Variants in CARNMT1 observed in about 807,000 individuals in gnomAD.
CARNMT1 encodes protein-L-histidine N-pros-methyltransferase CARNMT1.
In CARNMT1, 28 loss-of-function variants were observed where a neutral mutation model predicts 49.6. That is an observed-to-expected ratio of 0.56 (90% CI 0.42 to 0.77). The LOEUF (loss-of-function observed/expected upper bound fraction) is 0.77, where lower values mean the gene tolerates loss of function less well. Ranked by LOEUF, CARNMT1 falls within the 30% of genes least tolerant of loss-of-function variation. The pLI, the probability that CARNMT1 is intolerant of heterozygous loss-of-function variation, is 0.00. For synonymous variants in CARNMT1, 178 were observed against 175.0 expected (o/e 1.02, Z -0.13); for missense variants, 421 against 512.6 (o/e 0.82, Z 1.73).
At chr9:75,012,873 G>A (rs1255491335) in intron 3 of CARNMT1, among the ~76,000 whole-genome samples, 8 of 150,900 alleles carry the variant, frequency 5.3e-5, no homozygotes, top group African/African-American at 1.7e-4. Flanking sequence ...AGCCGAGATC[G>A]TGCCACTGCA....
chr9:75,021,737 C>T (rs1243877860), intron 1 of CARNMT1, among the ~76,000 whole-genome samples: 2 of 151,850 alleles, frequency 1.3e-5, no homozygotes, highest in African/African-American at 4.8e-5. Flanking sequence ...TCAAAACCGG[C>T]CTGGGCAATA....
chr9:75,013,755 A>C (rs952116575), intron 3 of CARNMT1, among the ~76,000 whole-genome samples: 1 of 152,062 alleles, frequency 6.6e-6, no homozygotes, highest in African/African-American at 2.4e-5. Flanking sequence ...TGTAATCCCA[A>C]TATTTTGGGA....
At position 74,981,690 on chromosome 9, in the gene CARNMT1, T is replaced by A. The variant is rs1832696679; in HGVS notation, c.*2077A>T. Reference sequence around the variant, plus strand: ...TAAAGAAAACCTAATAGAAAAAAAATTAATTAATAAAGCCAACCCACCAGT... The same window carrying A: ...TAAAGAAAACCTAATAGAAAAAAAAATAATTAATAAAGCCAACCCACCAGT... On this transcript the variant is annotated 3_prime_UTR_variant, in exon 8 of 8. Transcript: ENST00000376834. 6.6e-6 allele frequency: 1 copy of A among 151,994 alleles called. No individual in the cohort carries two copies. The highest frequency in any genetic ancestry group is 2.1e-4 in the South Asian group (1 of 4,824). 9.4% of individuals were successfully genotyped at this position (151,994 alleles called of 1,614,324 possible).
chr9:75,010,092 T>C (rs1324348564), intron 3 of CARNMT1: 1 of 151,386 alleles, frequency 6.6e-6, no homozygotes, highest in East Asian at 1.9e-4. Flanking sequence ...AAAAACTCTT[T>C]CTCTCTTATA....
In CARNMT1 at chr9:74,991,864, A is replaced by T. The variant is rs545123993; in HGVS notation, c.1024+4583T>A. On this transcript the variant is annotated intron_variant, in intron 6 of 7. Transcript: ENST00000376834. Reference sequence around the variant, plus strand: ...GCACATTATTTTGTCCCCCAGTAACATGCCTGCCATTCTTTGTCCATGTGT... The same window carrying T: ...GCACATTATTTTGTCCCCCAGTAACTTGCCTGCCATTCTTTGTCCATGTGT... Among the ~76,000 whole-genome samples, 64 of 152,284 alleles carry T rather than the reference A, an allele frequency of 4.2e-4. 2 individuals are homozygous for T. In the South Asian group the frequency reaches 0.013, roughly 30 times the overall value.
rs1267132930 is a variant in CARNMT1, at chr9:74,983,832, T to C, written c.1165A>G (p.Asn389Asp). Residue 389 changes from asparagine (N) to aspartate (D), a missense_variant, in exon 8 of 8, where the codon AAT becomes GAT. Coordinates refer to ENST00000376834, the MANE Select transcript of CARNMT1 (RefSeq NM_152420.3). ...KESVLSTYTV[N>D]DLSMMKYYYE... Reference sequence around the variant, plus strand: ...TAGTATTTCATCATAGAGAGATCATTCACAGTATATGTTGACAATACAGAT... The same window carrying C: ...TAGTATTTCATCATAGAGAGATCATCCACAGTATATGTTGACAATACAGAT... The C allele has an allele frequency of 6.2e-7, 1 of 1,606,938 alleles. No individual in the cohort carries two copies. The highest frequency in any genetic ancestry group is 1.1e-5 in the South Asian group (1 of 89,848).
rs1035638853 is a variant in CARNMT1, at chr9:74,981,818, T to C, written c.*1949A>G. On this transcript the variant is annotated 3_prime_UTR_variant, in exon 8 of 8. Coordinates refer to ENST00000376834, the MANE Select transcript of CARNMT1 (RefSeq NM_152420.3). ...GTGAATAAAAAGCATGTCTAAGCCA[T>C]TGAAAAACAGCATGCATTCCTTTCT... is the stretch of plus-strand genomic sequence containing the variant. The C allele has an allele frequency of 1.4e-4, 22 of 152,094 alleles. No homozygotes were observed. The highest frequency in any genetic ancestry group is 2.1e-4 in the Non-Finnish European group (14 of 67,988). 9.4% of individuals were successfully genotyped at this position (152,094 alleles called of 1,614,324 possible). A position where few individuals can be genotyped will look rare whatever the true frequency, so the allele number is the denominator to read the frequency against.
At chr9:74,999,636 G>A in intron 4 of CARNMT1, 94 bp downstream of exon 4, 2 of 1,063,544 alleles carry the variant, frequency 1.9e-6, no homozygotes, top group South Asian at 3.2e-5. Context: ...CAAATGCTAT[G>A]TACTTATCTT....
chr9:75,027,876 AGGTCAGCT>A (rs1822576700), intron 1 of CARNMT1, 128 bp downstream of exon 1: 1 of 975,782 alleles, frequency 1.0e-6, no homozygotes, highest in South Asian at 2.1e-5. Flanking sequence ...CGGGGCCCGG[AGGTCAGCT>A]GCAGCAGCCG....
rs1280072996 is a variant in CARNMT1 at position 74,983,049 on chromosome 9, C to T, written c.*718G>A. 1 of 151,914 alleles carries T rather than the reference C, an allele frequency of 6.6e-6. No homozygotes were observed. The highest frequency in any genetic ancestry group is 1.5e-5 in the Non-Finnish European group (1 of 67,954). The allele number at this position is 151,914 out of a possible 1,614,324, so 9.4% of individuals were successfully genotyped here. A position where few individuals can be genotyped will look rare whatever the true frequency, so the allele number is the denominator to read the frequency against. On this transcript the variant is annotated 3_prime_UTR_variant, in exon 8 of 8. Transcript: ENST00000376834. ...GATGCTTCTTTAAGTTCATCTGAGC[C>T]AGAAAATACAAAATTAAATTAATCT...
intron 6 of CARNMT1, 180 bp downstream of exon 6, chr9:74,996,267 T>C: frequency 2.0e-6 from 1 of 496,594 alleles, no homozygotes; most frequent in Non-Finnish European, 3.6e-6. Context: ...ACTTCTGAGC[T>C]TCCACTGCCT....
At chr9:74,984,885 C>T in intron 7 of CARNMT1, 22 bp downstream of exon 7, 1 of 1,520,472 alleles carries the variant, frequency 6.6e-7, no homozygotes, top group Non-Finnish European at 9.1e-7. Context: ...TAAACTTTGG[C>T]AATATTTTAT....
intron 3 of CARNMT1, among the ~76,000 whole-genome samples, chr9:75,007,222 C>T (rs903360981): frequency 5.3e-5 from 8 of 152,090 alleles, no homozygotes; most frequent in Admixed American, 5.2e-4. Flanking sequence ...AAGAATATAA[C>T]ATCTTTTTGG....
chr9:75,012,758 A>T (rs1428446793), intron 3 of CARNMT1, among the ~76,000 whole-genome samples: 2 of 129,670 alleles, frequency 1.5e-5, no homozygotes, highest in East Asian at 2.6e-4. Flanking sequence ...CTAAAAATAT[A>T]AAAAAAAAAA....
Position 74,985,043 on chromosome 9 carries a change from T to C in CARNMT1, c.1025-33A>G, listed in dbSNP as rs187164826. ...TTAAAGATACTATGAATTACTTGAA[T>C]ATAAACATACACTCATAGCTGTGTT... On this transcript the variant is annotated intron_variant, in intron 6 of 7. Coordinates refer to ENST00000376834, the MANE Select transcript of CARNMT1 (RefSeq NM_152420.3). 8.2e-4 allele frequency: 1,177 copies of C among 1,438,790 alleles called. 10 individuals are homozygous for C. The Admixed American group carries it at 0.016, about 19-fold the overall frequency. The allele number at this position is 1,438,790 out of a possible 1,614,324, so 89.1% of individuals were successfully genotyped here.
At chr9:74,991,192 G>C (rs538833699) in intron 6 of CARNMT1, 1 of 151,876 alleles carries the variant, frequency 6.6e-6, no homozygotes, top group African/African-American at 2.4e-5. Flanking sequence ...CGCCAGGCTG[G>C]AGTGAAGTGG....
chr9:74,993,990 G>A (rs993342790), intron 6 of CARNMT1, among the ~76,000 whole-genome samples: 2 of 152,174 alleles, frequency 1.3e-5, no homozygotes, highest in Non-Finnish European at 2.9e-5. Context: ...CTAATCCCCA[G>A]TGTGGCTGTA....
intron 3 of CARNMT1, among the ~76,000 whole-genome samples, chr9:75,004,212 G>A (rs1833440972): frequency 6.6e-6 from 1 of 152,204 alleles, no homozygotes; most frequent in South Asian, 2.1e-4. Flanking sequence ...AAGCCACATT[G>A]TTCTACATAA....
intron 1 of CARNMT1, among the ~76,000 whole-genome samples, chr9:75,023,108 C>A (rs1024671444): frequency 1.3e-5 from 2 of 149,108 alleles, no homozygotes; most frequent in East Asian, 3.9e-4. Flanking sequence ...TGCCACTGCA[C>A]TCCAGCCTGG....
Sources: allele counts gnomAD v4.1 joint callset (sites outside exome capture counted in the v4.1 genomes callset), GRCh38; gene constraint gnomAD v4.1.1; transcripts MANE v1.5; gene names NCBI Gene and HGNC (gene_info 2026-07-23, HGNC 2026-07-21).